The following GPC6 variants were observed in gnomAD, a reference collection of about 807,000 sequenced individuals.
The protein encoded by GPC6 is glypican-6.
A neutral mutation model predicts 55.2 loss-of-function variants in GPC6; 14 were observed. The observed-to-expected ratio is 0.25, with a 90% CI of 0.17 to 0.40. The LOEUF is 0.40. Among genes scored for constraint, GPC6 ranks in the 10% least tolerant of loss-of-function variants. The pLI is 1.00. For missense variants in GPC6, 641 were observed against 708.5 expected, an observed-to-expected ratio of 0.90 and a Z score of 1.08; for synonymous variants, 278 against 259.6, an observed-to-expected ratio of 1.07 and a Z score of -0.68.
rs139475393 is a variant in GPC6, at chr13:93,365,041, T to G, written c.160+137425T>G. ...CTACATCTTCTGCATTTAGATCTGA[T>G]TTTTCTTTCTACCTCCACATCACCC... is the stretch of plus-strand genomic sequence containing the variant. On this transcript the variant is annotated intron_variant, in intron 1 of 8. Coordinates refer to ENST00000377047, the MANE Select transcript of GPC6 (RefSeq NM_005708.5). 9.5e-4 allele frequency among the ~76,000 whole-genome samples: 144 copies of G among 152,176 alleles called. 1 individual carries two copies. The highest frequency in any genetic ancestry group is 3.0e-3 in the African/African-American group (123 of 41,548).
intron 3 of GPC6, among the ~76,000 whole-genome samples, chr13:93,933,279 G>C (rs1374905442): frequency 1.3e-5 from 2 of 152,076 alleles, no homozygotes; most frequent in Non-Finnish European, 2.9e-5. Context: ...AGGTCCTACT[G>C]GCGTCTACTT....
intron 1 of GPC6, among the ~76,000 whole-genome samples, chr13:93,517,075 C>T (rs1330672036): frequency 5.2e-5 from 1 of 19,176 alleles, no homozygotes; most frequent in Non-Finnish European, 4.4e-4. Flanking sequence ...TTTTTAGATG[C>T]ATTCATAGAC....
chr13:93,945,587 CA>C (rs201675532), intron 3 of GPC6, among the ~76,000 whole-genome samples: 1 of 151,622 alleles, frequency 6.6e-6, no homozygotes, highest in African/African-American at 2.4e-5. Flanking sequence ...ACAGAGACAA[CA>C]AAAAAAATAG....
chr13:94,076,285 G>A (rs2138789675), intron 4 of GPC6, among the ~76,000 whole-genome samples: 1 of 151,894 alleles, frequency 6.6e-6, no homozygotes, highest in Non-Finnish European at 1.5e-5. Flanking sequence ...GTCCATTAAT[G>A]TCCTTTGCCC....
At chr13:93,646,719 A>G (rs2139593539) in intron 2 of GPC6, among the ~76,000 whole-genome samples, 1 of 152,248 alleles carries the variant, frequency 6.6e-6, no homozygotes, top group Non-Finnish European at 1.5e-5. Context: ...ATTAGTTCCT[A>G]TAACTTGTGA....
At chr13:93,336,374 C>A (rs1381428223) in intron 1 of GPC6, among the ~76,000 whole-genome samples, 1 of 152,138 alleles carries the variant, frequency 6.6e-6, no homozygotes, top group Non-Finnish European at 1.5e-5. Flanking sequence ...TTCCTAGGAG[C>A]AATAATTGTT....
chr13:94,187,107 T>C (rs1437578246), intron 4 of GPC6: 1 of 152,176 alleles, frequency 6.6e-6, no homozygotes, highest in Non-Finnish European at 1.5e-5. Context: ...CTCCTTTTAT[T>C]TCAGATGAAA....
chr13:93,234,606 G>C (rs892722768), intron 1 of GPC6, among the ~76,000 whole-genome samples: 1 of 151,994 alleles, frequency 6.6e-6, no homozygotes, highest in Admixed American at 6.6e-5. Context: ...AGGTGAAATG[G>C]ATCAAAGTTA....
intron 6 of GPC6, among the ~76,000 whole-genome samples, chr13:94,357,675 A>T (rs1312957568): frequency 6.6e-6 from 1 of 152,150 alleles, no homozygotes; most frequent in African/African-American, 2.4e-5. Flanking sequence ...TTAACCTGTT[A>T]TGCCCTATCC....
In GPC6 at chr13:93,748,961, G is replaced by A. The variant is rs9524189; in HGVS notation, c.320-81193G>A. The stretch of plus-strand genomic sequence containing the variant: ...CTTAAAAGTACATAGAATACTGTTC[G>A]TCATTTGTATATTTTGTCTAAAATG... On this transcript the variant is annotated intron_variant, in intron 2 of 8. Transcript: ENST00000377047. 3.8e-4 allele frequency among the ~76,000 whole-genome samples: 58 copies of A among 151,818 alleles called. No homozygotes were observed. The East Asian group carries it at 0.011, about 28-fold the overall frequency.
chr13:93,733,517 A>G (rs1056675196), intron 2 of GPC6, among the ~76,000 whole-genome samples: 2 of 150,724 alleles, frequency 1.3e-5, no homozygotes, highest in Admixed American at 1.3e-4. Flanking sequence ...CATAAAATAT[A>G]TATAAATATA....
At chr13:93,640,740 CT>C (rs1879882433) in intron 2 of GPC6, among the ~76,000 whole-genome samples, 14 of 107,380 alleles carry the variant, frequency 1.3e-4, no homozygotes, top group Admixed American at 8.9e-4. Context: ...TCCCTCCCTC[CT>C]CCCCACTTTC....
intron 3 of GPC6, among the ~76,000 whole-genome samples, chr13:93,925,911 G>A (rs1479974964): frequency 6.6e-6 from 1 of 152,202 alleles, no homozygotes; most frequent in Non-Finnish European, 1.5e-5. Flanking sequence ...TCACATGTTT[G>A]TCCTCTCGGC....
Position 93,540,066 on chromosome 13 carries a change from C to T in GPC6, c.161-5197C>T, listed in dbSNP as rs117541734. Among the ~76,000 whole-genome samples the T allele has an allele frequency of 9.2e-5, 14 of 152,090 alleles. No individual in the cohort carries two copies. The East Asian group carries it at 2.5e-3, about 27-fold the overall frequency. ...AAACTATGAAGTGGCCTTACTTGGTCGATTTTTTTTGTGGTCTCAGAGTAG... is the reference window on the plus strand; with the variant it reads ...AAACTATGAAGTGGCCTTACTTGGTTGATTTTTTTTGTGGTCTCAGAGTAG... On this transcript the variant is annotated intron_variant, in intron 1 of 8. Coordinates refer to ENST00000377047, the MANE Select transcript of GPC6 (RefSeq NM_005708.5).
At position 93,272,492 on chromosome 13, in the gene GPC6, G is replaced by GTATATATATATATA. The variant is rs61556173; in HGVS notation, c.160+44891_160+44904dup. On this transcript the variant is annotated intron_variant, in intron 1 of 8. Transcript: ENST00000377047. ...GAATGAGGTGATTCATTGTCTGTGT[G>GTATATATATATATA]TATATATATATATATATATATATAT... Among the ~76,000 whole-genome samples the GTATATATATATATA allele has an allele frequency of 1.9e-3, 256 of 137,122 alleles. 1 individual carries two copies. The highest frequency in any genetic ancestry group is 5.5e-3 in the African/African-American group (206 of 37,396). 90.0% of individuals were successfully genotyped at this position (137,122 alleles called of 152,430 possible). A position where few individuals can be genotyped will look rare whatever the true frequency, so the allele number is the denominator to read the frequency against.
intron 4 of GPC6, among the ~76,000 whole-genome samples, chr13:94,057,121 T>G (rs946040340): frequency 6.6e-6 from 1 of 152,196 alleles, no homozygotes; most frequent in Admixed American, 6.5e-5. Context: ...TGTTTGCCAT[T>G]TGAAAAATAA....
In GPC6 at chr13:93,488,382, G is replaced by T. The variant is rs549093433; in HGVS notation, c.161-56881G>T. Among the ~76,000 whole-genome samples, 4 of 152,248 alleles carry T rather than the reference G, an allele frequency of 2.6e-5. No individual in the cohort carries two copies. In the East Asian group the frequency reaches 7.7e-4, roughly 29 times the overall value. On this transcript the variant is annotated intron_variant, in intron 1 of 8. Transcript: ENST00000377047. ...TCTAGTCTATCATTGATGGACATTT[G>T]GGTTGGATCCAAGTCTTTGCTATTG...
intron 1 of GPC6, among the ~76,000 whole-genome samples, chr13:93,255,588 C>A (rs1401905251): frequency 6.6e-6 from 1 of 152,080 alleles, no homozygotes; most frequent in African/African-American, 2.4e-5. Context: ...ACATACTGAT[C>A]TTTATAGAAT....
intron 1 of GPC6, among the ~76,000 whole-genome samples, chr13:93,454,820 G>C (rs891589563): frequency 6.6e-5 from 10 of 152,186 alleles, no homozygotes; most frequent in Admixed American, 5.9e-4. Context: ...GATGGGAGTG[G>C]GCGCCCTGGA....
Sources: allele counts gnomAD v4.1 joint callset (sites outside exome capture counted in the v4.1 genomes callset), GRCh38; gene constraint gnomAD v4.1.1; transcripts MANE v1.5; gene names NCBI Gene and HGNC (gene_info 2026-07-23, HGNC 2026-07-21).